DMD: variants seen among roughly 807,000 people sequenced by gnomAD.
The protein encoded by DMD is mutant dystrophin.
DMD carries 63 observed loss-of-function variants against 330.1 expected under a neutral mutation model. The observed-to-expected ratio is 0.19, with a 90% CI of 0.16 to 0.24. The LOEUF is 0.24. Among genes scored for constraint, DMD ranks in the 10% least tolerant of loss-of-function variants. DMD has a pLI of 1.00. For missense variants in DMD, 3,344 were observed against 2,684.1 expected (o/e 1.25, Z -5.43); for synonymous variants, 1,223 against 959.8 (o/e 1.27, Z -5.07).
At chrX:33,085,888 T>C (rs1205660890) in intron 1 of DMD, 2 of 112,189 alleles carry the variant, frequency 1.8e-5, no homozygotes, top group Admixed American at 1.9e-4. Context: ...CATTACACTA[T>C]GGTAATACTT....
At chrX:31,991,595 G>A (rs1210874064) in intron 44 of DMD, among the ~76,000 whole-genome samples, 1 of 110,146 alleles carries the variant, frequency 9.1e-6, no homozygotes, top group African/African-American at 3.3e-5. Flanking sequence ...AGAAATACAG[G>A]TTGGAACAGA....
intron 1 of DMD, among the ~76,000 whole-genome samples, chrX:33,063,963 C>T (rs913291078): frequency 4.5e-4 from 50 of 111,836 alleles, no homozygotes; most frequent in Non-Finnish European, 3.9e-4. Flanking sequence ...TTAATTTTTT[C>T]GTGTGTGCAT....
intron 1 of DMD, among the ~76,000 whole-genome samples, chrX:33,210,690 G>A (rs1211255614): frequency 9.0e-6 from 1 of 111,415 alleles, no homozygotes; most frequent in Admixed American, 9.6e-5. Context: ...ACAGAAAAGA[G>A]CATTTGAAAT....
chrX:31,721,720 A>ATATATATC (rs2085564622), intron 52 of DMD, among the ~76,000 whole-genome samples: 3 of 40,363 alleles, frequency 7.4e-5, no homozygotes, highest in Non-Finnish European at 1.4e-4. Context: ...CTCTCTCTCT[A>ATATATATC]TATATATATA....
intron 26 of DMD, among the ~76,000 whole-genome samples, chrX:32,449,323 A>T (rs1039940090): frequency 1.8e-5 from 2 of 110,700 alleles, no homozygotes; most frequent in Non-Finnish European, 3.8e-5. Flanking sequence ...TGACAAGATC[A>T]TTCCATAATC....
chrX:32,869,179 A>T (rs2082754670), intron 2 of DMD, among the ~76,000 whole-genome samples: 1 of 111,571 alleles, frequency 9.0e-6, no homozygotes. Flanking sequence ...GGGACCTGTT[A>T]AAAAAGCAAA....
intron 60 of DMD, among the ~76,000 whole-genome samples, chrX:31,422,848 C>CT (rs375837061): frequency 0.11 from 11,191 of 101,441 alleles, 678 homozygotes; most frequent in Non-Finnish European, 0.16. Flanking sequence ...AGTTATAAGA[C>CT]TTTTTTTTTT....
chrX:32,199,226 A>C (rs1294239911), intron 44 of DMD, among the ~76,000 whole-genome samples: 1 of 111,700 alleles, frequency 9.0e-6, no homozygotes, highest in Admixed American at 9.5e-5. Context: ...ATTCCCTTTG[A>C]GAAGCTTTCT....
chrX:32,460,288 C>T (rs2098379003), intron 25 of DMD, among the ~76,000 whole-genome samples: 1 of 110,334 alleles, frequency 9.1e-6, no homozygotes, highest in Non-Finnish European at 1.9e-5. Context: ...ATAAATGGTA[C>T]AGTCACTGTA....
chrX:31,917,219 T>C (rs1569511686), intron 47 of DMD, among the ~76,000 whole-genome samples: 1 of 112,144 alleles, frequency 8.9e-6, no homozygotes, highest in Non-Finnish European at 1.9e-5. Flanking sequence ...AGGTGATTCC[T>C]GTTTCAGTAA....
At chrX:31,660,646 G>C (rs1348471542) in intron 53 of DMD, among the ~76,000 whole-genome samples, 1 of 110,947 alleles carries the variant, frequency 9.0e-6, no homozygotes, top group African/African-American at 3.3e-5. Context: ...AAATACTTAT[G>C]ATGGACCAGT....
chrX:32,370,981 G>C (rs1395816625), intron 34 of DMD, among the ~76,000 whole-genome samples: 2 of 111,192 alleles, frequency 1.8e-5, no homozygotes, highest in Non-Finnish European at 3.8e-5. Flanking sequence ...AAGAGAGCTA[G>C]TTAGAGTTAG....
intron 12 of DMD, among the ~76,000 whole-genome samples, chrX:32,598,240 A>C (rs1012462137): frequency 8.9e-6 from 1 of 112,320 alleles, no homozygotes; most frequent in Non-Finnish European, 1.9e-5. Context: ...TGTGCAATCT[A>C]TACTGCCTAT....
At chrX:32,572,113 A>C (rs942058510) in intron 15 of DMD, among the ~76,000 whole-genome samples, 1 of 111,931 alleles carries the variant, frequency 8.9e-6, no homozygotes, top group Non-Finnish European at 1.9e-5. Flanking sequence ...ACATCACTTA[A>C]TAAAGTCCAT....
intron 60 of DMD, among the ~76,000 whole-genome samples, chrX:31,393,117 A>G (rs1192560321): frequency 1.8e-5 from 2 of 111,564 alleles, no homozygotes; most frequent in Non-Finnish European, 3.8e-5. Flanking sequence ...AATCAATTAG[A>G]TCTCATGATC....
chrX:31,959,796 A>C (rs1204411966), intron 45 of DMD, among the ~76,000 whole-genome samples: 7 of 71,492 alleles, frequency 9.8e-5, no homozygotes, highest in African/African-American at 1.7e-4. Context: ...TTTTTTCCTC[A>C]CTCTGTCACC....
intron 3 of DMD, among the ~76,000 whole-genome samples, 166 bp from the exon 4 acceptor site, chrX:32,845,026 C>T (rs929486244): frequency 8.0e-5 from 9 of 111,816 alleles, no homozygotes; most frequent in African/African-American, 2.9e-4. Flanking sequence ...TTGTCCTTGG[C>T]CTGGTACGTT....
At chrX:32,798,436 A>G (rs1029993077) in intron 7 of DMD, among the ~76,000 whole-genome samples, 1 of 112,023 alleles carries the variant, frequency 8.9e-6, no homozygotes, top group African/African-American at 3.2e-5. Context: ...GGGAAATAAC[A>G]TTTACGTCTT....
chrX:32,009,231 A>G (rs1277699732), intron 44 of DMD, among the ~76,000 whole-genome samples: 1 of 111,888 alleles, frequency 8.9e-6, no homozygotes, highest in Non-Finnish European at 1.9e-5. Context: ...AACTGAAAAT[A>G]AAGGGAGTCA....
Sources: gnomAD v4.1 joint callset for allele counts (sites outside exome capture counted in the v4.1 genomes callset) on GRCh38, gnomAD v4.1.1 for gene constraint, MANE v1.5 for transcripts, NCBI Gene and HGNC (gene_info 2026-07-23, HGNC 2026-07-21) for gene names.